DIRAS2: variants seen among roughly 807,000 people sequenced by gnomAD.
DIRAS2 encodes the protein GTP-binding protein Di-Ras2.
Under a neutral mutation model 13.9 loss-of-function variants are expected in DIRAS2, and 5 were observed. That is an observed-to-expected ratio of 0.36 (90% confidence interval 0.19 to 0.76). DIRAS2 has a LOEUF of 0.76. Ranked by LOEUF, DIRAS2 falls within the 30% of genes least tolerant of loss-of-function variation. The pLI is 0.53. For missense variants in DIRAS2, 191 were observed against 263.0 expected (o/e 0.73, Z 1.89); for synonymous variants, 111 against 105.4 (o/e 1.05, Z -0.33).
intron 1 of DIRAS2, among the ~76,000 whole-genome samples, chr9:90,641,576 GACA>G (rs968046523): frequency 6.6e-6 from 1 of 151,874 alleles, no homozygotes; most frequent in Non-Finnish European, 1.5e-5. Context: ...TTCAATTTCA[GACA>G]ACAACCAAGA....
intron 1 of DIRAS2, among the ~76,000 whole-genome samples, chr9:90,637,112 C>T (rs1188037752): frequency 6.6e-6 from 1 of 152,154 alleles, no homozygotes; most frequent in Non-Finnish European, 1.5e-5. Context: ...TGCATATCAC[C>T]AGCCCAGGAA....
At chr9:90,618,795 A>T (rs568454526) in intron 1 of DIRAS2, among the ~76,000 whole-genome samples, 1 of 152,346 alleles carries the variant, frequency 6.6e-6, no homozygotes, top group South Asian at 2.1e-4. Context: ...CAATAAGAAG[A>T]TATACAAATA....
At chr9:90,630,275 T>C (rs1206037750) in intron 1 of DIRAS2, among the ~76,000 whole-genome samples, 4 of 152,190 alleles carry the variant, frequency 2.6e-5, no homozygotes, top group Non-Finnish European at 4.4e-5. Flanking sequence ...CAAAGGAAAG[T>C]TGTAGCAGCG....
Position 90,613,545 on chromosome 9 carries a change from C to T in DIRAS2, c.283G>A (p.Glu95Lys). ...TGTTCGTAGATGGGCTTGAGCTCCT[C>T]CAAGGACTGTCGGCTGGTAATGGAG... is the stretch of plus-strand genomic sequence containing the variant. ...VYSITSRQSL[E>K]ELKPIYEQIC... Residue 95 changes from glutamate to lysine, a missense_variant, in exon 2 of 2, where the codon GAG becomes AAG. Glu to Lys is a moderately conservative substitution (Grantham distance 56, BLOSUM62 1). Coordinates refer to ENST00000375765, the MANE Select transcript of DIRAS2 (RefSeq NM_017594.5). This position sits in a 1 kb window ranked among gnomAD's most constrained non-coding sequence, Gnocchi z 5.6. 3 of 1,614,172 alleles carry T rather than the reference C, an allele frequency of 1.9e-6. No individual in the cohort carries two copies. The highest frequency in any genetic ancestry group is 2.5e-6 in the Non-Finnish European group (3 of 1,180,044).
chr9:90,614,158 GCAC>G (rs1825143603), intron 1 of DIRAS2, among the ~76,000 whole-genome samples: 3 of 152,238 alleles, frequency 2.0e-5, no homozygotes, highest in Admixed American at 2.0e-4. Context: ...CCGAGAGACA[GCAC>G]CAAGGAAAGG....
chr9:90,620,088 G>T (rs1167086847), intron 1 of DIRAS2, among the ~76,000 whole-genome samples: 1 of 152,088 alleles, frequency 6.6e-6, no homozygotes, highest in Non-Finnish European at 1.5e-5. Flanking sequence ...GTTTCTTTGG[G>T]GGAAATGAAG....
At chr9:90,629,643 C>G (rs1374332028) in intron 1 of DIRAS2, among the ~76,000 whole-genome samples, 1 of 152,176 alleles carries the variant, frequency 6.6e-6, no homozygotes, top group South Asian at 2.1e-4. Context: ...ACTCAAGTCT[C>G]TTATATGTAA....
At position 90,613,857 on chromosome 9, in the gene DIRAS2, G is replaced by A; in HGVS notation, c.-30C>T. The A allele has an allele frequency of 6.3e-7, 1 of 1,582,054 alleles. No homozygotes were observed. The highest frequency in any genetic ancestry group is 8.6e-7 in the Non-Finnish European group (1 of 1,163,478). ...CTGGAGAGCTCCAACTCTCAGCCAGGACGCACCTAGCAAAGGAACCAGATG... is the reference window on the plus strand; with the variant it reads ...CTGGAGAGCTCCAACTCTCAGCCAGAACGCACCTAGCAAAGGAACCAGATG... On this transcript the variant is annotated 5_prime_UTR_variant, in exon 2 of 2. Transcript: ENST00000375765. The surrounding 1 kb of genome is among the most constrained non-coding windows in gnomAD (Gnocchi z 5.6).
intron 1 of DIRAS2, among the ~76,000 whole-genome samples, chr9:90,624,120 G>T (rs1205394423): frequency 6.6e-6 from 1 of 152,178 alleles, no homozygotes; most frequent in African/African-American, 2.4e-5. Flanking sequence ...TCTTATATTT[G>T]AAGTTGGTAC....
chr9:90,642,177 T>C (rs573795942), intron 1 of DIRAS2, among the ~76,000 whole-genome samples: 1 of 152,356 alleles, frequency 6.6e-6, no homozygotes, highest in East Asian at 1.9e-4. Flanking sequence ...ACCACAGTCT[T>C]ACAACTAAGG....
In DIRAS2 at chr9:90,612,932, C is replaced by T; in HGVS notation, c.*296G>A. 2.5e-6 allele frequency: 1 copy of T among 406,142 alleles called. No individual in the cohort carries two copies. The highest frequency in any genetic ancestry group is 4.6e-6 in the Non-Finnish European group (1 of 219,652). 25.2% of individuals were successfully genotyped at this position (406,142 alleles called of 1,614,324 possible). ...ATGTTGCTTTGTGGGTACCAGTCCT[C>T]CCTCCCACCTTCGGGTGTTCATCGC... is the stretch of plus-strand genomic sequence containing the variant. On this transcript the variant is annotated 3_prime_UTR_variant, in exon 2 of 2. Coordinates refer to ENST00000375765, the MANE Select transcript of DIRAS2 (RefSeq NM_017594.5).
intron 1 of DIRAS2, among the ~76,000 whole-genome samples, chr9:90,633,380 T>C (rs1372903318): frequency 6.6e-6 from 1 of 152,168 alleles, no homozygotes; most frequent in Admixed American, 6.5e-5. Flanking sequence ...ATAGCTAGGA[T>C]GAGATGATTT....
chr9:90,617,029 G>T (rs1016924139), intron 1 of DIRAS2, among the ~76,000 whole-genome samples: 2 of 152,218 alleles, frequency 1.3e-5, no homozygotes, highest in African/African-American at 4.8e-5. Flanking sequence ...TTGCCAGATG[G>T]TGAAGTGATG....
intron 1 of DIRAS2, among the ~76,000 whole-genome samples, chr9:90,616,027 T>C (rs548301933): frequency 2.6e-5 from 4 of 152,326 alleles, no homozygotes; most frequent in South Asian, 2.1e-4. Flanking sequence ...GTTATGTAGC[T>C]CCAGACTAGA....
chr9:90,614,353 T>TGTGTGA (rs1491454540), intron 1 of DIRAS2, among the ~76,000 whole-genome samples: 129 of 138,992 alleles, frequency 9.3e-4, no homozygotes, highest in Admixed American at 5.5e-3. Context: ...TGTGTGTGTG[T>TGTGTGA]GAGAAATACT....
chr9:90,628,702 C>CGG (rs1348267018), intron 1 of DIRAS2, among the ~76,000 whole-genome samples: 1 of 152,140 alleles, frequency 6.6e-6, no homozygotes, highest in East Asian at 1.9e-4. Context: ...CATGCCACCA[C>CGG]ACCTGGCTCA....
intron 1 of DIRAS2, among the ~76,000 whole-genome samples, chr9:90,616,126 C>G (rs1440021112): frequency 6.6e-6 from 1 of 152,248 alleles, no homozygotes; most frequent in Non-Finnish European, 1.5e-5. Context: ...AGCACATACA[C>G]TCTTTATGAG....
intron 1 of DIRAS2, among the ~76,000 whole-genome samples, chr9:90,635,205 C>T (rs2118582200): frequency 6.6e-6 from 1 of 152,296 alleles, no homozygotes; most frequent in South Asian, 2.1e-4. Flanking sequence ...TCGGTTAAAA[C>T]AAGGAAGCTC....
At chr9:90,632,805 G>A (rs1825337088) in intron 1 of DIRAS2, among the ~76,000 whole-genome samples, 1 of 152,354 alleles carries the variant, frequency 6.6e-6, no homozygotes, top group Non-Finnish European at 1.5e-5. Flanking sequence ...CGTAAGCAAA[G>A]ATCTCTGGCT....
Sources: allele counts gnomAD v4.1 joint callset (sites outside exome capture counted in the v4.1 genomes callset), GRCh38; gene constraint gnomAD v4.1.1; non-coding constraint Gnocchi (gnomAD v3.1); transcripts MANE v1.5; gene names NCBI Gene and HGNC (gene_info 2026-07-23, HGNC 2026-07-21).